The following PLEKHD1 variants were observed in gnomAD, a reference collection of about 807,000 sequenced individuals.
The protein encoded by PLEKHD1 is pleckstrin homology and coiled-coil domain containing D1.
A neutral mutation model predicts 69.2 loss-of-function variants in PLEKHD1; 51 were observed. The observed-to-expected ratio is 0.74, with a 90% CI of 0.59 to 0.93. The LOEUF (loss-of-function observed/expected upper bound fraction) is 0.93, where lower values mean the gene tolerates loss of function less well. PLEKHD1 is among the 40% of genes least tolerant of loss of function. The pLI is 0.00. For missense variants in PLEKHD1, 584 were observed against 641.0 expected (o/e 0.91, Z 0.96); for synonymous variants, 236 against 244.7 (o/e 0.96, Z 0.33).
At chr14:69,489,592 A>AAAAAAAAAG (rs1566935545) in intron 1 of PLEKHD1, among the ~76,000 whole-genome samples, 1 of 150,418 alleles carries the variant, frequency 6.6e-6, no homozygotes, top group Non-Finnish European at 1.5e-5. Context: ...GGAAAAAAAA[A>AAAAAAAAAG]GAAAGTGAAT....
intron 1 of PLEKHD1, among the ~76,000 whole-genome samples, chr14:69,497,877 G>A (rs774320574): frequency 6.6e-6 from 1 of 152,230 alleles, no homozygotes; most frequent in East Asian, 1.9e-4. Flanking sequence ...TGGCCGGTCA[G>A]AGAGGGTAGG....
Position 69,529,610 on chromosome 14 carries a change from T to G in PLEKHD1, c.*1191T>G, listed in dbSNP as rs927555746. On this transcript the variant is annotated 3_prime_UTR_variant, in exon 13 of 13. Transcript: ENST00000322564. Reference sequence around the variant, plus strand: ...GAAAGTCACTCTGGTTCCTGCATTATGTACTTCTGGTTGCGCAGGGAGGCA... The same window carrying G: ...GAAAGTCACTCTGGTTCCTGCATTAGGTACTTCTGGTTGCGCAGGGAGGCA... The G allele has an allele frequency of 6.6e-6, 1 of 152,072 alleles. No homozygotes were observed. The highest frequency in any genetic ancestry group is 2.4e-5 in the African/African-American group (1 of 41,376). The allele number at this position is 152,072 out of a possible 1,614,324, so 9.4% of individuals were successfully genotyped here.
chr14:69,493,488 A>T (rs1882821328), intron 1 of PLEKHD1, among the ~76,000 whole-genome samples: 1 of 152,236 alleles, frequency 6.6e-6, no homozygotes. Context: ...AAATAGAAAA[A>T]ACAAGCACGT....
chr14:69,501,657 C>A lies in PLEKHD1; in HGVS notation c.411-77C>A, dbSNP rs1180176216. On this transcript the variant is annotated intron_variant, in intron 4 of 12. Transcript: ENST00000322564. ...AGTACAAAACGTATGCCTTCTCTTT[C>A]CCCTCTACCCTTCTGTTTTAATGAT... 1.4e-5 allele frequency: 16 copies of A among 1,143,786 alleles called. No individual in the cohort carries two copies. The South Asian group carries it at 2.1e-4, about 15-fold the overall frequency. 70.9% of individuals were successfully genotyped at this position (1,143,786 alleles called of 1,614,324 possible).
At chr14:69,495,321 T>C (rs2075767118) in intron 1 of PLEKHD1, among the ~76,000 whole-genome samples, 1 of 152,176 alleles carries the variant, frequency 6.6e-6, no homozygotes, top group Admixed American at 6.5e-5. Context: ...GCCTTTACCC[T>C]GACAATCTGC....
chr14:69,522,876 C>A (rs963928350), intron 7 of PLEKHD1, among the ~76,000 whole-genome samples: 17 of 152,108 alleles, frequency 1.1e-4, no homozygotes, highest in African/African-American at 2.9e-4. Context: ...AAATCTCTCT[C>A]TATATATATA....
intron 9 of PLEKHD1, 66 bp from the exon 10 acceptor site, chr14:69,526,631 T>C (rs1326790072): frequency 7.0e-7 from 1 of 1,430,740 alleles, no homozygotes; most frequent in Non-Finnish European, 9.2e-7. Flanking sequence ...TAAGAGGAGC[T>C]GTCCATCCAT....
chr14:69,512,692 C>T (rs1883296651), intron 6 of PLEKHD1, among the ~76,000 whole-genome samples: 1 of 151,872 alleles, frequency 6.6e-6, no homozygotes, highest in Admixed American at 6.6e-5. Flanking sequence ...GTGGATTTTC[C>T]AGTTAACTTT....
At chr14:69,523,585 C>G (rs1243933436) in intron 7 of PLEKHD1, among the ~76,000 whole-genome samples, 2 of 151,650 alleles carry the variant, frequency 1.3e-5, no homozygotes, top group African/African-American at 4.8e-5. Flanking sequence ...AGACTCATAC[C>G]CAGGAAACAT....
chr14:69,497,099 G>A (rs929964458), intron 1 of PLEKHD1, among the ~76,000 whole-genome samples: 3 of 152,168 alleles, frequency 2.0e-5, no homozygotes, highest in Non-Finnish European at 4.4e-5. Context: ...TTCAGACCAT[G>A]GAATGCATCA....
chr14:69,499,565 G>A (rs1882975270), intron 1 of PLEKHD1, among the ~76,000 whole-genome samples: 1 of 152,214 alleles, frequency 6.6e-6, no homozygotes, highest in South Asian at 2.1e-4. Context: ...TTAGACCTGA[G>A]TCCCAGAAGG....
chr14:69,477,730 T>C, the PLEKHD1 span, among the ~76,000 whole-genome samples: 3 of 152,382 alleles, frequency 2.0e-5, no homozygotes, highest in Non-Finnish European at 2.9e-5. Context: ...TTTGACTCCA[T>C]GTCTCGCATC....
At chr14:69,521,162 C>T (rs1398271531) in intron 6 of PLEKHD1, among the ~76,000 whole-genome samples, 14 of 152,050 alleles carry the variant, frequency 9.2e-5, no homozygotes, top group Non-Finnish European at 1.8e-4. Flanking sequence ...AATAATAATA[C>T]CAGTGAGCAG....
chr14:69,488,541 C>T (rs1014934790), intron 1 of PLEKHD1, among the ~76,000 whole-genome samples: 4 of 152,062 alleles, frequency 2.6e-5, no homozygotes, highest in African/African-American at 7.2e-5. Context: ...CTGAAGGACC[C>T]CCTTTAAAAA....
At chr14:69,525,820 T>C in intron 8 of PLEKHD1, 124 bp from the exon 9 acceptor site, 2 of 911,042 alleles carry the variant, frequency 2.2e-6, no homozygotes, top group South Asian at 1.8e-5. Flanking sequence ...AATGAAGACA[T>C]TTCAGCGGCC....
At chr14:69,524,368 G>C in intron 8 of PLEKHD1, 46 bp downstream of exon 8, 1 of 1,472,270 alleles carries the variant, frequency 6.8e-7, no homozygotes, top group Non-Finnish European at 9.3e-7. Flanking sequence ...CAGGCTGGTT[G>C]GTTGGACCAC....
At chr14:69,480,819 A>T (rs939628079), upstream of PLEKHD1, among the ~76,000 whole-genome samples, 2 of 152,028 alleles carry the variant, frequency 1.3e-5, no homozygotes, top group African/African-American at 4.8e-5. Context: ...TGCCTGGCTA[A>T]TTTCTGTATT....
intron 6 of PLEKHD1, among the ~76,000 whole-genome samples, chr14:69,515,699 A>T (rs1883369948): frequency 6.6e-6 from 1 of 152,166 alleles, no homozygotes. Context: ...GAGAGAGAGC[A>T]TGGGCGCGGG....
intron 1 of PLEKHD1, among the ~76,000 whole-genome samples, chr14:69,498,032 GTTTTATTTTATTTTATTTTATTTTATTTA>G (rs1195269312): frequency 5.6e-4 from 77 of 137,112 alleles, no homozygotes; most frequent in South Asian, 2.6e-3. Context: ...ATTTTATTTT[GTTTTATTTTATTTTATTTTATTTTATTTA>G]TTTTATTTTA....
Sources: allele counts gnomAD v4.1 joint callset (sites outside exome capture counted in the v4.1 genomes callset), GRCh38; gene constraint gnomAD v4.1.1; transcripts MANE v1.5; gene names NCBI Gene and HGNC (gene_info 2026-07-23, HGNC 2026-07-21).